Variants in ZNF292 observed in about 807,000 individuals in gnomAD.
ZNF292 encodes 16 zinc-finger domain protein.
Under a neutral mutation model 217.9 loss-of-function variants are expected in ZNF292, and 26 were observed. The observed-to-expected ratio is 0.12, with a 90% confidence interval of 0.09 to 0.17. The LOEUF is 0.17. ZNF292 is among the 10% of genes least tolerant of loss of function. The probability of loss-of-function intolerance (pLI) is 1.00; values close to 1 mark genes in which losing one functional copy is unlikely to be tolerated. For missense variants in ZNF292, 2,904 were observed against 3,175.2 expected, an observed-to-expected ratio of 0.91 and a Z score of 2.05; for synonymous variants, 1,257 against 1,124.1, an observed-to-expected ratio of 1.12 and a Z score of -2.37.
chr6:87,186,977 G>A (rs1236231343), intron 1 of ZNF292, among the ~76,000 whole-genome samples: 1 of 152,160 alleles, frequency 6.6e-6, no homozygotes, highest in Admixed American at 6.5e-5. Context: ...TAAGACTAGA[G>A]CCTTTGGTGT....
At chr6:87,215,003 G>C (rs1345992654) in intron 1 of ZNF292, 1 of 149,668 alleles carries the variant, frequency 6.7e-6, no homozygotes, top group South Asian at 2.1e-4. Flanking sequence ...TCTAGGAAAA[G>C]AAACCTGAAT....
At chr6:87,239,950 G>C (rs1243244174) in intron 5 of ZNF292, among the ~76,000 whole-genome samples, 1 of 151,940 alleles carries the variant, frequency 6.6e-6, no homozygotes, top group Admixed American at 6.6e-5. Flanking sequence ...CAGACGGGGT[G>C]GCGGCCGGGC....
chr6:87,259,783 A>G lies in ZNF292; in HGVS notation c.6154A>G (p.Lys2052Glu), dbSNP rs777349337. 3 of 1,605,106 alleles carry G rather than the reference A, an allele frequency of 1.9e-6. No individual in the cohort carries two copies. The highest frequency in any genetic ancestry group is 1.1e-5 in the South Asian group (1 of 89,864). Residue 2052 changes from lysine (K) to glutamate (E), a missense_variant, in exon 8 of 8, where the codon AAA becomes GAA. Around this residue, in one of 15 missense-constraint regions of ZNF292, gnomAD observed 261 missense variants for 272.8 expected, o/e 0.96. Coordinates refer to ENST00000369577, the MANE Select transcript of ZNF292 (RefSeq NM_015021.3). ...KQLVEKKSPD[K>E]TESSLQVITV... The stretch of plus-strand genomic sequence containing the variant: ...ACTTGTAGAAAAAAAAAGTCCTGAC[A>G]AAACAGAAAGTTCTTTACAAGTGAT...
chr6:87,201,196 C>T (rs538245708), intron 1 of ZNF292, among the ~76,000 whole-genome samples: 8 of 152,116 alleles, frequency 5.3e-5, no homozygotes, highest in African/African-American at 1.4e-4. Context: ...GTATTATTTG[C>T]GAATATGAGA....
chr6:87,179,199 G>A (rs1359045039), intron 1 of ZNF292, among the ~76,000 whole-genome samples: 2 of 135,650 alleles, frequency 1.5e-5, no homozygotes, highest in Admixed American at 8.4e-5. Flanking sequence ...TCACTCTGTC[G>A]CCCGGGCTGG....
chr6:87,231,277 C>G (rs1773640905), intron 4 of ZNF292, among the ~76,000 whole-genome samples: 1 of 152,024 alleles, frequency 6.6e-6, no homozygotes, highest in South Asian at 2.1e-4. Flanking sequence ...CAGGTTTTTA[C>G]TGCTGTAAGG....
intron 1 of ZNF292, among the ~76,000 whole-genome samples, chr6:87,168,331 A>G (rs2127772024): frequency 6.6e-6 from 1 of 152,370 alleles, no homozygotes; most frequent in East Asian, 1.9e-4. Context: ...TTGTTTAGGA[A>G]GACTGAGGCA....
chr6:87,210,270 ATTGT>A (rs531532770), intron 1 of ZNF292, among the ~76,000 whole-genome samples: 38 of 152,288 alleles, frequency 2.5e-4, no homozygotes, highest in African/African-American at 9.1e-4. Context: ...TTTTTTTTAA[ATTGT>A]TTGTTACATG....
intron 5 of ZNF292, 110 bp downstream of exon 5, chr6:87,233,637 A>G (rs865967431): frequency 7.1e-5 from 104 of 1,471,756 alleles, no homozygotes; most frequent in Middle Eastern, 5.1e-4. Flanking sequence ...ATCATTGTCA[A>G]TCTTACATTT....
intron 4 of ZNF292, among the ~76,000 whole-genome samples, chr6:87,230,455 C>T (rs1451835549): frequency 2.0e-5 from 3 of 151,826 alleles, no homozygotes; most frequent in Non-Finnish European, 4.4e-5. Context: ...GTGACATGGC[C>T]CGGCGTGGGG....
chr6:87,192,901 C>T (rs1771859471), intron 1 of ZNF292, among the ~76,000 whole-genome samples: 1 of 152,092 alleles, frequency 6.6e-6, no homozygotes, highest in African/African-American at 2.4e-5. Flanking sequence ...GGCTGGATTT[C>T]CAGGGATCTT....
intron 4 of ZNF292, among the ~76,000 whole-genome samples, chr6:87,229,978 TGGG>T (rs1408042825): frequency 3.3e-5 from 5 of 151,698 alleles, no homozygotes; most frequent in African/African-American, 1.2e-4. Flanking sequence ...TGGGTTGGGT[TGGG>T]GGAGCAATAT....
rs76368628 is a variant in ZNF292 at position 87,214,614 on chromosome 6, C to T, written c.169-1289C>T. On this transcript the variant is annotated intron_variant, in intron 1 of 7. Coordinates refer to ENST00000369577, the MANE Select transcript of ZNF292 (RefSeq NM_015021.3). ...GACCTAGTTGAGTATCCCCCGACAC[C>T]CCATCCTACATCCTGCACTGTGGCT... Among the ~76,000 whole-genome samples, 8 of 152,174 alleles carry T rather than the reference C, an allele frequency of 5.3e-5. No homozygotes were observed. The East Asian group carries it at 1.5e-3, about 29-fold the overall frequency.
In ZNF292 at chr6:87,260,786, A is replaced by G; in HGVS notation, c.7157A>G (p.Tyr2386Cys). 1 of 1,613,362 alleles carries G rather than the reference A, an allele frequency of 6.2e-7. No individual in the cohort carries two copies. Among genetic ancestry groups the G allele is most frequent in the Non-Finnish European group, 8.5e-7 (1 of 1,179,584 alleles). Residue 2386 changes from tyrosine to cysteine, a missense_variant, in exon 8 of 8, where the codon TAT becomes TGT. Tyr to Cys is a radical substitution (Grantham distance 194). Coordinates refer to ENST00000369577, the MANE Select transcript of ZNF292 (RefSeq NM_015021.3). ...SECTSRFVTQYPCMIKGCTSV... is the reference protein window; with the variant it reads ...SECTSRFVTQCPCMIKGCTSV... Reference sequence around the variant, plus strand: ...TGTACAAGCAGATTTGTAACCCAGTATCCATGTATGATAAAGGGATGTACT... The same window carrying G: ...TGTACAAGCAGATTTGTAACCCAGTGTCCATGTATGATAAAGGGATGTACT...
At chr6:87,232,220 T>C (rs923242373) in intron 4 of ZNF292, among the ~76,000 whole-genome samples, 1 of 152,146 alleles carries the variant, frequency 6.6e-6, no homozygotes, top group African/African-American at 2.4e-5. Flanking sequence ...CAACGAGCCA[T>C]GATCATAGCA....
chr6:87,253,339 C>T (rs570820330), intron 7 of ZNF292, among the ~76,000 whole-genome samples: 2 of 151,456 alleles, frequency 1.3e-5, no homozygotes, highest in Non-Finnish European at 1.5e-5. Flanking sequence ...AGCGATCCTC[C>T]TTCCTCAGCC....
At chr6:87,225,791 A>G (rs1019212317) in intron 4 of ZNF292, among the ~76,000 whole-genome samples, 7 of 152,164 alleles carry the variant, frequency 4.6e-5, no homozygotes, top group African/African-American at 1.7e-4. Flanking sequence ...AAGCTTATCA[A>G]AGAAGTAGAG....
intron 1 of ZNF292, 23 bp downstream of exon 1, chr6:87,155,782 TC>T: frequency 1.3e-6 from 2 of 1,562,362 alleles, no homozygotes; most frequent in Non-Finnish European, 1.7e-6. Flanking sequence ...GGTGGTCCCC[TC>T]CCCCTTTCCC....
chr6:87,163,040 TTGCACAA>T (rs1363524751), intron 1 of ZNF292, among the ~76,000 whole-genome samples: 2 of 152,174 alleles, frequency 1.3e-5, no homozygotes, highest in Non-Finnish European at 2.9e-5. Context: ...GCATTGGCAG[TTGCACAA>T]TGTATCTCAA....
Sources: gnomAD v4.1 joint callset for allele counts (sites outside exome capture counted in the v4.1 genomes callset) on GRCh38, gnomAD v4.1.1 for gene constraint, gnomAD v4.1.1 regional missense constraint, MANE v1.5 for transcripts, NCBI Gene and HGNC (gene_info 2026-07-23, HGNC 2026-07-21) for gene names.